The following SYTL3 variants were observed in gnomAD, a reference collection of about 807,000 sequenced individuals.
SYTL3 encodes synaptotagmin-like protein 3.
SYTL3 carries 88 observed loss-of-function variants against 82.1 expected under a neutral mutation model. The observed-to-expected ratio is 1.07, with a 90% confidence interval of 0.90 to 1.28. The LOEUF (loss-of-function observed/expected upper bound fraction) is 1.28. SYTL3 is among the 50% of genes most tolerant of loss of function. The probability of loss-of-function intolerance (pLI) is 0.00; values close to 1 mark genes in which losing one functional copy is unlikely to be tolerated. For missense variants in SYTL3, 831 were observed against 757.6 expected (o/e 1.10, Z -1.14); for synonymous variants, 311 against 289.4 (o/e 1.07, Z -0.76).
rs1790264729 is a variant in SYTL3 at position 158,763,363 on chromosome 6, A to G, written c.1577A>G (p.Gln526Arg). The G allele has an allele frequency of 6.2e-7, 1 of 1,614,272 alleles. No homozygotes were observed. Among genetic ancestry groups the G allele is most frequent in the Admixed American group, 1.7e-5 (1 of 60,032 alleles). ...LRLKSPVLRK[Q>R]ACPQWKHSFV... ...CTGAAGTCGCCAGTCCTGAGGAAGC[A>G]GGCTTGCCCCCAGTGGAAACACTCA... Residue 526 changes from glutamine to arginine, a missense_variant, in exon 17 of 18, where the codon CAG (glutamine) becomes CGG (arginine). Gln to Arg is a conservative substitution (Grantham distance 43, BLOSUM62 1). Coordinates refer to ENST00000611299, the MANE Select transcript of SYTL3 (RefSeq NM_001242394.2).
intron 5 of SYTL3, among the ~76,000 whole-genome samples, chr6:158,668,289 G>A (rs993282177): frequency 1.3e-5 from 2 of 152,120 alleles, no homozygotes; most frequent in Non-Finnish European, 2.9e-5. Flanking sequence ...GAGTGCAGTG[G>A]TGTGATCTCG....
intron 11 of SYTL3, among the ~76,000 whole-genome samples, chr6:158,745,112 G>T (rs1787446798): frequency 6.6e-6 from 1 of 151,998 alleles, no homozygotes; most frequent in East Asian, 1.9e-4. Context: ...CCCAGACTGT[G>T]CCGCTTTCCG....
At chr6:158,724,905 C>T (rs1784522557) in intron 10 of SYTL3, among the ~76,000 whole-genome samples, 1 of 152,122 alleles carries the variant, frequency 6.6e-6, no homozygotes, top group African/African-American at 2.4e-5. Context: ...GTCCCAGCCA[C>T]TTGGGAGGTT....
intron 6 of SYTL3, among the ~76,000 whole-genome samples, chr6:158,703,208 A>C (rs966037133): frequency 3.3e-5 from 5 of 149,348 alleles, no homozygotes; most frequent in African/African-American, 9.8e-5. Flanking sequence ...CCACCCGAGC[A>C]GCAAATGTGT....
chr6:158,693,844 C>CTTTTACTTTTTTTTTTTTTTTTTTTTTT lies in SYTL3; in HGVS notation c.394+10859_394+10860insACTTTTTTTTTTTTTTTTTTTTTTTTTT, dbSNP rs763990639. Among the ~76,000 whole-genome samples, 19 of 55,598 alleles carry CTTTTACTTTTTTTTTTTTTTTTTTTTTT rather than the reference C, an allele frequency of 3.4e-4. 2 individuals are homozygous for CTTTTACTTTTTTTTTTTTTTTTTTTTTT. Among genetic ancestry groups the CTTTTACTTTTTTTTTTTTTTTTTTTTTT allele is most frequent in the African/African-American group, 4.7e-4 (4 of 8,494 alleles). The allele number at this position is 55,598 out of a possible 152,430, so 36.5% of individuals were successfully genotyped here. ...AGGTGTGCCACTGCATCCAGCCTTT[C>CTTTTACTTTTTTTTTTTTTTTTTTTTTT]TTTTTCTTTTCTTTTTTTTTTTTTT... On this transcript the variant is annotated intron_variant, in intron 6 of 17. Coordinates refer to ENST00000611299, the MANE Select transcript of SYTL3 (RefSeq NM_001242394.2).
chr6:158,677,297 A>G (rs1778150747), intron 5 of SYTL3, among the ~76,000 whole-genome samples: 1 of 152,200 alleles, frequency 6.6e-6, no homozygotes, highest in East Asian at 1.9e-4. Flanking sequence ...TCAGCAAACT[A>G]TCTCAAGGAC....
chr6:158,699,562 A>G (rs940909246), intron 6 of SYTL3, among the ~76,000 whole-genome samples: 1 of 152,078 alleles, frequency 6.6e-6, no homozygotes, highest in Non-Finnish European at 1.5e-5. Context: ...CCGCTGCCTC[A>G]ATCTATAGTT....
intron 5 of SYTL3, among the ~76,000 whole-genome samples, chr6:158,666,598 G>A (rs1365149929): frequency 1.3e-5 from 2 of 152,136 alleles, no homozygotes; most frequent in African/African-American, 4.8e-5. Context: ...GGTGTGAATG[G>A]GAGTCATCAG....
intron 13 of SYTL3, among the ~76,000 whole-genome samples, chr6:158,754,229 C>T (rs1352387967): frequency 6.6e-6 from 1 of 152,156 alleles, no homozygotes; most frequent in African/African-American, 2.4e-5. Flanking sequence ...CTTGGCAAGC[C>T]TTTCTGGACC....
At position 158,659,999 on chromosome 6, in the gene SYTL3, G is replaced by C. The variant is rs1228290790; in HGVS notation, c.-636-1270G>C. The stretch of plus-strand genomic sequence containing the variant: ...ACCTTAAGAACCTTGAACAGGCCGG[G>C]CGTGGTGGTCCATGCCTATAATCCC... On this transcript the variant is annotated intron_variant, in intron 2 of 17. Coordinates refer to ENST00000611299, the MANE Select transcript of SYTL3 (RefSeq NM_001242394.2). 9.8e-5 allele frequency among the ~76,000 whole-genome samples: 15 copies of C among 152,306 alleles called. No individual in the cohort carries two copies. The East Asian group carries it at 2.5e-3, about 25-fold the overall frequency.
chr6:158,671,437 C>T (rs529286780), intron 5 of SYTL3, among the ~76,000 whole-genome samples: 86 of 152,042 alleles, frequency 5.7e-4, no homozygotes, highest in African/African-American at 2.0e-3. Flanking sequence ...GCATGGTAGC[C>T]AAGACAGTTT....
chr6:158,711,932 T>C (rs1175516596), intron 8 of SYTL3, among the ~76,000 whole-genome samples: 1 of 152,198 alleles, frequency 6.6e-6, no homozygotes, highest in African/African-American at 2.4e-5. Context: ...GCAAGGTCTT[T>C]ATGACCTGTA....
chr6:158,679,451 G>T (rs1345737664), intron 5 of SYTL3, among the ~76,000 whole-genome samples: 1 of 152,130 alleles, frequency 6.6e-6, no homozygotes, highest in Admixed American at 6.6e-5. Flanking sequence ...TTATGAAGAT[G>T]CTGATTTTGC....
intron 2 of SYTL3, among the ~76,000 whole-genome samples, chr6:158,658,500 C>G (rs1489635687): frequency 6.6e-6 from 1 of 152,166 alleles, no homozygotes; most frequent in African/African-American, 2.4e-5. Context: ...ACACTGGAAA[C>G]CAAAGAGAAA....
intron 6 of SYTL3, among the ~76,000 whole-genome samples, chr6:158,704,227 C>CCT (rs1184952338): frequency 6.6e-6 from 1 of 152,212 alleles, no homozygotes; most frequent in Non-Finnish European, 1.5e-5. Flanking sequence ...AACGGGCACG[C>CCT]CTGCCCTTTA....
intron 13 of SYTL3, among the ~76,000 whole-genome samples, chr6:158,756,249 G>C (rs925098937): frequency 7.2e-5 from 11 of 152,186 alleles, no homozygotes; most frequent in Non-Finnish European, 1.3e-4. Flanking sequence ...CGTCACTCTT[G>C]GGTGTGTTGG....
chr6:158,675,483 T>C (rs977163808), intron 5 of SYTL3, among the ~76,000 whole-genome samples: 1 of 152,144 alleles, frequency 6.6e-6, no homozygotes, highest in African/African-American at 2.4e-5. Flanking sequence ...AAACGAGTAT[T>C]TTGCTTTGTA....
At chr6:158,746,516 A>G (rs965830886) in intron 12 of SYTL3, among the ~76,000 whole-genome samples, 94 of 148,240 alleles carry the variant, frequency 6.3e-4, no homozygotes, top group Non-Finnish European at 3.6e-4. Context: ...CCCAGACTGG[A>G]GTGCGGTGGC....
intron 4 of SYTL3, among the ~76,000 whole-genome samples, chr6:158,663,805 A>G (rs1353435796): frequency 6.6e-6 from 1 of 152,146 alleles, no homozygotes; most frequent in Admixed American, 6.6e-5. Flanking sequence ...GAGGCTCACA[A>G]GCAGCAACTC....
Sources: gnomAD v4.1 joint callset for allele counts (sites outside exome capture counted in the v4.1 genomes callset) on GRCh38, gnomAD v4.1.1 for gene constraint, MANE v1.5 for transcripts, NCBI Gene and HGNC (gene_info 2026-07-23, HGNC 2026-07-21) for gene names.